The following DKK2 variants were observed in gnomAD, a reference collection of about 807,000 sequenced individuals.
The protein encoded by DKK2 is dickkopf Wnt signaling pathway inhibitor 2, also known as dickkopf-related protein 2.
Under a neutral mutation model 28.1 loss-of-function variants are expected in DKK2, and 11 were observed. The ratio of observed to expected loss-of-function variants is 0.39; its 90% CI spans 0.25 to 0.65. The LOEUF (loss-of-function observed/expected upper bound fraction) is 0.65, where lower values mean the gene tolerates loss of function less well. Ranked by LOEUF, DKK2 falls within the 30% of genes least tolerant of loss-of-function variation. The pLI, the probability that DKK2 is intolerant of heterozygous loss-of-function variation, is 0.47. For synonymous variants in DKK2, 135 were observed against 126.5 expected, an observed-to-expected ratio of 1.07 and a Z score of -0.45; for missense variants, 326 against 335.5, an observed-to-expected ratio of 0.97 and a Z score of 0.22.
At chr4:106,944,083 G>T (rs554867717) in intron 1 of DKK2, among the ~76,000 whole-genome samples, 2 of 152,052 alleles carry the variant, frequency 1.3e-5, no homozygotes. Flanking sequence ...TTTCATGACA[G>T]CTTCCTTTAA....
intron 1 of DKK2, 97 bp downstream of exon 1, chr4:107,035,273 C>G (rs1267414973): frequency 7.2e-7 from 1 of 1,397,190 alleles, no homozygotes. Flanking sequence ...TCTGGGGCCA[C>G]GCTCCGAATG....
intron 1 of DKK2, among the ~76,000 whole-genome samples, chr4:106,961,161 A>AT (rs1722679348): frequency 6.6e-6 from 1 of 152,072 alleles, no homozygotes. Flanking sequence ...TTAAATACTA[A>AT]TTTTGGCTTG....
At chr4:106,979,058 G>GT (rs1347476156) in intron 1 of DKK2, among the ~76,000 whole-genome samples, 1 of 148,132 alleles carries the variant, frequency 6.8e-6, no homozygotes, top group Non-Finnish European at 1.5e-5. Flanking sequence ...ACATTCAAAG[G>GT]TTTTTTGTTT....
chr4:107,005,340 C>CAAAAAA lies in DKK2; in HGVS notation c.222+30024_222+30029dup, dbSNP rs35333301. Among the ~76,000 whole-genome samples the CAAAAAA allele has an allele frequency of 4.0e-3, 279 of 69,442 alleles. 1 individual carries two copies. The highest frequency in any genetic ancestry group is 8.8e-3 in the Middle Eastern group (1 of 114). The allele number at this position is 69,442 out of a possible 152,430, so 45.6% of individuals were successfully genotyped here. A position where few individuals can be genotyped will look rare whatever the true frequency, so the allele number is the denominator to read the frequency against. The stretch of plus-strand genomic sequence containing the variant: ...TGGGTGACAGAGGGAGACTTGGTCT[C>CAAAAAA]AAAAAAAAAAAAAAAAAAAAACAAA... On this transcript the variant is annotated intron_variant, in intron 1 of 3. Transcript: ENST00000285311.
At chr4:107,028,285 C>T (rs914734096) in intron 1 of DKK2, among the ~76,000 whole-genome samples, 10 of 151,904 alleles carry the variant, frequency 6.6e-5, no homozygotes, top group African/African-American at 2.2e-4. Context: ...CATTTGTTTC[C>T]TTCTTGTACA....
At chr4:107,005,354 A>C (rs922632284) in intron 1 of DKK2, among the ~76,000 whole-genome samples, 1 of 151,716 alleles carries the variant, frequency 6.6e-6, no homozygotes, top group African/African-American at 2.4e-5. Flanking sequence ...AAAAAAAAAA[A>C]AAAAAAACAA....
intron 1 of DKK2, among the ~76,000 whole-genome samples, chr4:107,002,916 T>A (rs867830099): frequency 6.6e-6 from 1 of 152,306 alleles, no homozygotes; most frequent in African/African-American, 2.4e-5. Flanking sequence ...GTTGTGGTGA[T>A]TAAATTAGAT....
At chr4:106,957,962 T>C (rs1476101758) in intron 1 of DKK2, among the ~76,000 whole-genome samples, 1 of 150,766 alleles carries the variant, frequency 6.6e-6, no homozygotes, top group Non-Finnish European at 1.5e-5. Flanking sequence ...GATTCTCTAC[T>C]AGCATTTTTT....
intron 1 of DKK2, among the ~76,000 whole-genome samples, chr4:107,033,711 T>C (rs1357770626): frequency 6.6e-6 from 1 of 152,180 alleles, no homozygotes; most frequent in Non-Finnish European, 1.5e-5. Context: ...ACATTAAGCT[T>C]TCTTCAACTG....
intron 1 of DKK2, among the ~76,000 whole-genome samples, chr4:106,962,536 TGTGTGTGTGTGTGTGTGA>T (rs1159713766): frequency 5.0e-5 from 7 of 141,274 alleles, no homozygotes; most frequent in African/African-American, 1.9e-4. Flanking sequence ...TGTGTGTGTG[TGTGTGTGTGTGTGTGTGA>T]ATGCAGAAGA....
intron 1 of DKK2, among the ~76,000 whole-genome samples, chr4:107,014,731 T>C (rs923336361): frequency 1.3e-5 from 2 of 151,622 alleles, no homozygotes; most frequent in Non-Finnish European, 3.0e-5. Flanking sequence ...GATGTTCACA[T>C]GTATTGAAAC....
At chr4:107,015,612 CAT>C (rs564943682) in intron 1 of DKK2, among the ~76,000 whole-genome samples, 3 of 151,662 alleles carry the variant, frequency 2.0e-5, no homozygotes, top group Admixed American at 6.6e-5. Flanking sequence ...TATGTAGTAA[CAT>C]AGTGTTCAAA....
Position 106,924,104 on chromosome 4 carries a change from C to T in DKK2, c.630G>A (p.Gln210=), listed in dbSNP as rs376637191. 10 of 1,613,998 alleles carry T rather than the reference C, an allele frequency of 6.2e-6. No homozygotes were observed. Among genetic ancestry groups the T allele is most frequent in the East Asian group, 2.2e-5 (1 of 44,864 alleles). The change falls in exon 4 of 4, where the codon CAG becomes CAA. Residue 210 remains glutamine (Q), a synonymous_variant. Coordinates refer to ENST00000285311, the MANE Select transcript of DKK2 (RefSeq NM_014421.3). The stretch of plus-strand genomic sequence containing the variant: ...TGCGTTGTTTGGTACAGACTTCCCC[C>T]TGATGGAGCACTGGTTTGCAGATTT... ...WTKICKPVLH[Q]GEVCTKQRKK... is the part of the protein sequence containing the mutation.
chr4:107,014,832 AAC>A (rs55726585), intron 1 of DKK2, among the ~76,000 whole-genome samples: 5,260 of 147,172 alleles, frequency 0.036, 117 homozygotes, highest in Middle Eastern at 0.093. Context: ...CACACACACA[AAC>A]ACACACACAC....
chr4:106,983,072 AAAAG>A (rs1053681145), intron 1 of DKK2, among the ~76,000 whole-genome samples: 3 of 151,224 alleles, frequency 2.0e-5, no homozygotes, highest in South Asian at 2.1e-4. Flanking sequence ...AAAGAAAGAA[AAAAG>A]AAAGAAACAA....
At chr4:106,961,214 T>A (rs1349733772) in intron 1 of DKK2, among the ~76,000 whole-genome samples, 1 of 152,128 alleles carries the variant, frequency 6.6e-6, no homozygotes, top group Non-Finnish European at 1.5e-5. Flanking sequence ...TCCCATTTCT[T>A]TGGAAAATCA....
At chr4:107,009,767 G>A (rs1280049328) in intron 1 of DKK2, among the ~76,000 whole-genome samples, 5 of 151,638 alleles carry the variant, frequency 3.3e-5, no homozygotes, top group Non-Finnish European at 5.9e-5. Context: ...GCATTGGAAG[G>A]GACATTCTTG....
At position 107,035,518 on chromosome 4, in the gene DKK2, C is replaced by T. The variant is rs753403226; in HGVS notation, c.74G>A (p.Ser25Asn). ...GGCCCGCGAACTGCCGATCTGTGAGCTCTCCACCATCAGCACCGCGGCCAG... is the reference window on the plus strand; with the variant it reads ...GGCCCGCGAACTGCCGATCTGTGAGTTCTCCACCATCAGCACCGCGGCCAG... ...LLLAAVLMVESSQIGSSRAKL... is the reference protein window; with the variant it reads ...LLLAAVLMVENSQIGSSRAKL... Residue 25 changes from serine to asparagine, a missense_variant, in exon 1 of 4, where the codon AGC (serine) becomes AAC (asparagine). Physicochemically the swap from Ser to Asn is conservative, Grantham distance 46. Transcript: ENST00000285311. The T allele has an allele frequency of 2.5e-6, 4 of 1,614,122 alleles. No individual in the cohort carries two copies. The highest frequency in any genetic ancestry group is 3.4e-6 in the Non-Finnish European group (4 of 1,180,026).
intron 3 of DKK2, 151 bp from the exon 4 acceptor site, chr4:106,924,355 C>T: frequency 7.9e-7 from 1 of 1,273,710 alleles, no homozygotes; most frequent in Non-Finnish European, 1.1e-6. Flanking sequence ...TACCAATTGG[C>T]TCTGCCTCTT....
Sources: allele counts gnomAD v4.1 joint callset (sites outside exome capture counted in the v4.1 genomes callset), GRCh38; gene constraint gnomAD v4.1.1; transcripts MANE v1.5; gene names NCBI Gene and HGNC (gene_info 2026-07-23, HGNC 2026-07-21).